The following TBC1D5 variants were observed in gnomAD, a reference collection of about 807,000 sequenced individuals.
TBC1D5 encodes the protein TBC1 domain family, member 5.
TBC1D5 carries 75 observed loss-of-function variants against 100.3 expected under a neutral mutation model. The observed-to-expected ratio is 0.75, with a 90% CI of 0.62 to 0.91. The LOEUF (loss-of-function observed/expected upper bound fraction) is 0.91. Ranked by LOEUF, TBC1D5 falls within the 40% of genes least tolerant of loss-of-function variation. TBC1D5 has a pLI of 0.00. For missense variants in TBC1D5, 910 were observed against 942.4 expected (o/e 0.97, Z 0.45); for synonymous variants, 323 against 325.6 (o/e 0.99, Z 0.09).
chr3:17,674,085 G>A (rs2068311773), intron 1 of TBC1D5, among the ~76,000 whole-genome samples: 1 of 151,652 alleles, frequency 6.6e-6, no homozygotes, highest in South Asian at 2.1e-4. Flanking sequence ...GTTATGTGAG[G>A]TGTTAAACTT....
intron 2 of TBC1D5, among the ~76,000 whole-genome samples, chr3:17,543,357 G>A (rs1319214073): frequency 6.6e-6 from 1 of 152,208 alleles, no homozygotes; most frequent in Admixed American, 6.5e-5. Context: ...AAAAGGCTGA[G>A]AGTCGTGGCT....
rs147386113 is a variant in TBC1D5 at position 17,302,123 on chromosome 3, C to T, written c.1138+5869G>A. Among the ~76,000 whole-genome samples, 21 of 152,296 alleles carry T rather than the reference C, an allele frequency of 1.4e-4. No homozygotes were observed. In the East Asian group the frequency reaches 3.9e-3, roughly 28 times the overall value. On this transcript the variant is annotated intron_variant, in intron 14 of 21. Coordinates refer to ENST00000253692, the Ensembl canonical transcript of TBC1D5. ...GTAGGGGAGAATCCTCCTTGCCTCT[C>T]CTGCTTCTGGTGTTAGCAGCATGTT... is the stretch of plus-strand genomic sequence containing the variant.
At chr3:17,227,617 A>G (rs2075027798) in intron 17 of TBC1D5, among the ~76,000 whole-genome samples, 1 of 152,016 alleles carries the variant, frequency 6.6e-6, no homozygotes, top group African/African-American at 2.4e-5. Context: ...TAAATACCAC[A>G]TGTTCTCACT....
chr3:17,729,934 C>T (rs968482933), intron 1 of TBC1D5, among the ~76,000 whole-genome samples: 7 of 151,878 alleles, frequency 4.6e-5, no homozygotes, highest in Non-Finnish European at 1.0e-4. Context: ...CATGGTGAAA[C>T]CCTATCTCTA....
At chr3:17,273,921 C>A (rs994760155) in intron 15 of TBC1D5, among the ~76,000 whole-genome samples, 27 of 151,092 alleles carry the variant, frequency 1.8e-4, no homozygotes, top group African/African-American at 5.8e-4. Context: ...TAATTACCCA[C>A]CAAGCCTTGT....
intron 5 of TBC1D5, among the ~76,000 whole-genome samples, chr3:17,405,501 AATTTG>A (rs1171329486): frequency 6.6e-6 from 1 of 152,066 alleles, no homozygotes; most frequent in African/African-American, 2.4e-5. Flanking sequence ...TAAAATGACA[AATTTG>A]ATTTAATTTA....
At chr3:17,422,344 T>C (rs2094228831) in intron 4 of TBC1D5, among the ~76,000 whole-genome samples, 1 of 151,520 alleles carries the variant, frequency 6.6e-6, no homozygotes, top group Non-Finnish European at 1.5e-5. Context: ...ATTTTGTTTT[T>C]TGTTTTTTTG....
At chr3:17,422,462 C>T (rs559999887) in intron 4 of TBC1D5, among the ~76,000 whole-genome samples, 1 of 151,876 alleles carries the variant, frequency 6.6e-6, no homozygotes, top group East Asian at 1.9e-4. Flanking sequence ...GCTGAGATTA[C>T]TGGGGTAAGC....
At chr3:17,165,387 T>C (rs909073103) in intron 21 of TBC1D5, among the ~76,000 whole-genome samples, 64 of 152,238 alleles carry the variant, frequency 4.2e-4, no homozygotes, top group African/African-American at 1.5e-3. Flanking sequence ...TGCATTGTGG[T>C]TGGGCCTACG....
At chr3:17,401,092 G>A (rs955535179) in intron 8 of TBC1D5, among the ~76,000 whole-genome samples, 3 of 151,884 alleles carry the variant, frequency 2.0e-5, no homozygotes, top group African/African-American at 7.3e-5. Flanking sequence ...TCTAGAGAAC[G>A]CTAATACATT....
intron 17 of TBC1D5, among the ~76,000 whole-genome samples, chr3:17,226,824 A>T (rs1044141246): frequency 6.6e-6 from 1 of 152,330 alleles, no homozygotes; most frequent in Admixed American, 6.5e-5. Flanking sequence ...CATGACATTT[A>T]TTTAAAATTA....
At position 17,259,929 on chromosome 3, in the gene TBC1D5, T is replaced by C. The variant is rs577997665; in HGVS notation, c.1246-1338A>G. Among the ~76,000 whole-genome samples the C allele has an allele frequency of 2.0e-5, 3 of 152,264 alleles. 1 individual carries two copies. In the South Asian group the frequency reaches 6.2e-4, roughly 32 times the overall value. On this transcript the variant is annotated intron_variant, in intron 15 of 21. Coordinates refer to ENST00000253692, the Ensembl canonical transcript of TBC1D5. Reference sequence around the variant, plus strand: ...TTAGCTCCAGCTACTACTCCACTGGTTTGGTATTCAACACAGTTCTACAAT... The same window carrying C: ...TTAGCTCCAGCTACTACTCCACTGGCTTGGTATTCAACACAGTTCTACAAT...
intron 2 of TBC1D5, among the ~76,000 whole-genome samples, chr3:17,601,811 C>T (rs907885547): frequency 6.6e-6 from 1 of 152,076 alleles, no homozygotes; most frequent in East Asian, 1.9e-4. Flanking sequence ...TAATATCACA[C>T]AGTTAATAAG....
At chr3:17,231,334 C>G (rs115510154) in intron 17 of TBC1D5, among the ~76,000 whole-genome samples, 5,434 of 151,796 alleles carry the variant, frequency 0.036, 327 homozygotes, top group African/African-American at 0.12. Flanking sequence ...GTGATTGCAA[C>G]CTACACTGCA....
chr3:17,237,457 T>C (rs1400112787), intron 17 of TBC1D5, among the ~76,000 whole-genome samples: 2 of 152,166 alleles, frequency 1.3e-5, no homozygotes, highest in Non-Finnish European at 2.9e-5. Flanking sequence ...ATACAAAACA[T>C]GAGGGAGGTG....
rs28702567 is a variant in TBC1D5 at position 17,387,678 on chromosome 3, T to C, written c.510-3663A>G. On this transcript the variant is annotated intron_variant, in intron 8 of 21. Coordinates refer to ENST00000253692, the Ensembl canonical transcript of TBC1D5. The stretch of plus-strand genomic sequence containing the variant: ...GTTTTATTTACCCCTTGCTAGATGG[T>C]GTGGATTCAGGCTAGGTAAAGTAAT... Among the ~76,000 whole-genome samples, 146 of 151,856 alleles carry C rather than the reference T, an allele frequency of 9.6e-4. 1 individual carries two copies. Among genetic ancestry groups the C allele is most frequent in the African/African-American group, 3.4e-3 (139 of 41,434 alleles).
chr3:17,738,679 T>G (rs143616335), intron 1 of TBC1D5, among the ~76,000 whole-genome samples: 38 of 152,192 alleles, frequency 2.5e-4, no homozygotes, highest in African/African-American at 8.2e-4. Flanking sequence ...ATGGCAGAGC[T>G]GGTATGTCCA....
chr3:17,160,676 T>C, exon 22 of TBC1D5: 1 of 371,700 alleles, frequency 2.7e-6, no homozygotes. Context: ...TTTCTAACTG[T>C]GAGTGTGATA....
chr3:17,299,858 CAAAAAAAAAAAAAA>C (rs10590475), intron 14 of TBC1D5, among the ~76,000 whole-genome samples: 6 of 48,590 alleles, frequency 1.2e-4, no homozygotes, highest in East Asian at 1.4e-3. Context: ...GACTCCGTCT[CAAAAAAAAAAAAAA>C]AAAAAAAAAA....
Sources: allele counts gnomAD v4.1 joint callset (sites outside exome capture counted in the v4.1 genomes callset), GRCh38; gene constraint gnomAD v4.1.1; transcripts MANE v1.5; gene names NCBI Gene and HGNC (gene_info 2026-07-23, HGNC 2026-07-21).